Variants in PRR33 observed in about 807,000 individuals in gnomAD.
PRR33 encodes the protein proline-rich protein 33.
In PRR33, 1 loss-of-function variant was observed where a neutral mutation model predicts 0.5. The observed-to-expected ratio is 2.18, with a 90% CI of 0.77 to 10.34. The LOEUF is 10.34. Among genes scored for constraint, PRR33 ranks in the 30% most tolerant of loss-of-function variants. The probability of loss-of-function intolerance (pLI) is 0.13; values close to 1 mark genes in which losing one functional copy is unlikely to be tolerated. For missense variants in PRR33, 552 were observed against 251.8 expected (o/e 2.19, Z -8.07); for synonymous variants, 226 against 110.0 (o/e 2.06, Z -6.60).
At chr11:1,901,987 C>T in the PRR33 span, among the ~76,000 whole-genome samples, 1 of 152,070 alleles carries the variant, frequency 6.6e-6, no homozygotes, top group South Asian at 2.1e-4. Context: ...AATCCCAGCA[C>T]TTTGGGAGGC....
chr11:1,893,087 G>A (rs1379314143), upstream of PRR33, among the ~76,000 whole-genome samples: 1 of 143,494 alleles, frequency 7.0e-6, no homozygotes, highest in Non-Finnish European at 1.6e-5. Flanking sequence ...GGTTGGGTGG[G>A]TGAGTGGAGG....
the PRR33 span, among the ~76,000 whole-genome samples, chr11:1,911,668 G>A: frequency 6.6e-6 from 1 of 151,832 alleles, no homozygotes; most frequent in East Asian, 2.0e-4. Flanking sequence ...TGATTCGCCT[G>A]CCTCGGCCTC....
At chr11:1,917,209 C>A in the PRR33 span, among the ~76,000 whole-genome samples, 1 of 152,166 alleles carries the variant, frequency 6.6e-6, no homozygotes. Context: ...AGCCTGGGGG[C>A]TCAGGTCAGC....
chr11:1,901,666 G>C, the PRR33 span, among the ~76,000 whole-genome samples: 1 of 152,140 alleles, frequency 6.6e-6, no homozygotes. Context: ...AGCTATTTAA[G>C]CTGAGACTTT....
At chr11:1,914,879 GTT>G in the PRR33 span, among the ~76,000 whole-genome samples, 1 of 133,980 alleles carries the variant, frequency 7.5e-6, no homozygotes, top group African/African-American at 2.8e-5. Flanking sequence ...GTGTGTGTGT[GTT>G]GTGAGGTCAC....
the PRR33 span, among the ~76,000 whole-genome samples, chr11:1,898,399 C>T: frequency 6.6e-6 from 1 of 152,138 alleles, no homozygotes; most frequent in Non-Finnish European, 1.5e-5. Flanking sequence ...TCATACCCAG[C>T]TTATTTTTAA....
chr11:1,908,044 A>AT, the PRR33 span: 1 of 152,084 alleles, frequency 6.6e-6, no homozygotes, highest in Admixed American at 6.6e-5. Flanking sequence ...GACCTTCAGG[A>AT]TTTTGTTCAA....
At chr11:1,911,510 C>T in the PRR33 span, among the ~76,000 whole-genome samples, 5 of 149,478 alleles carry the variant, frequency 3.3e-5, no homozygotes, top group African/African-American at 4.9e-5. Context: ...CTCTGCCTCC[C>T]GGGTTCAATC....
the PRR33 span, among the ~76,000 whole-genome samples, chr11:1,898,087 C>T: frequency 1.3e-5 from 2 of 152,278 alleles, no homozygotes; most frequent in East Asian, 1.9e-4. Context: ...CAAGAAGCAT[C>T]GGCAACGGCA....
chr11:1,907,759 C>T, the PRR33 span: 4 of 152,060 alleles, frequency 2.6e-5, no homozygotes, highest in Admixed American at 1.3e-4. Context: ...GTCGTAGCCT[C>T]TGTAATTCAC....
chr11:1,890,101 G>C, exon 1 of PRR33: 1 of 716,616 alleles, frequency 1.4e-6, no homozygotes, highest in Non-Finnish European at 2.6e-6. Context: ...CTGGGGGGCC[G>C]GGTAGGTTCT....
the PRR33 span, chr11:1,890,201 CT>C: frequency 1.4e-6 from 1 of 716,946 alleles, no homozygotes; most frequent in South Asian, 1.5e-5. Flanking sequence ...ACGTGGACTT[CT>C]GCAGGGGTGA....
Position 1,890,342 on chromosome 11 carries a change from C to T in PRR33, c.243G>A (p.Pro81=), listed in dbSNP as rs866562938. Reference sequence around the variant, plus strand: ...CGGGGTGCGGGCCCTCAGCAGCGTGCGGGGCTGTGACCTCCTGGTCATGGC... The same window carrying T: ...CGGGGTGCGGGCCCTCAGCAGCGTGTGGGGCTGTGACCTCCTGGTCATGGC... Residue 81 remains proline (P), a synonymous_variant, in exon 1 of 1, where the codon CCG becomes CCA. Transcript: ENST00000640310. 117 of 714,854 alleles carry T rather than the reference C, an allele frequency of 1.6e-4. 1 individual carries two copies. In the East Asian group the frequency reaches 2.8e-3, roughly 17 times the overall value. The allele number at this position is 714,854 out of a possible 1,614,324, so 44.3% of individuals were successfully genotyped here.
At chr11:1,888,441 G>T (rs114229888) in exon 1 of PRR33, 1 of 152,244 alleles carries the variant, frequency 6.6e-6, no homozygotes, top group Non-Finnish European at 1.5e-5. Flanking sequence ...TCCCACCAGC[G>T]AATCCCTCGA....
upstream of PRR33, among the ~76,000 whole-genome samples, chr11:1,892,648 G>A (rs957718132): frequency 6.6e-6 from 1 of 152,212 alleles, no homozygotes; most frequent in African/African-American, 2.4e-5. Context: ...GGGTGGATGG[G>A]TGGGTGGATG....
the PRR33 span, among the ~76,000 whole-genome samples, chr11:1,913,909 C>T: frequency 6.6e-6 from 1 of 152,242 alleles, no homozygotes. Context: ...ACTCCCAGTC[C>T]CAATTGCAGG....
At chr11:1,902,028 C>T in the PRR33 span, among the ~76,000 whole-genome samples, 1 of 151,922 alleles carries the variant, frequency 6.6e-6, no homozygotes, top group Non-Finnish European at 1.5e-5. Context: ...GTCAGGAGAT[C>T]GAGACCATCC....
At chr11:1,898,760 C>T in the PRR33 span, among the ~76,000 whole-genome samples, 3 of 151,804 alleles carry the variant, frequency 2.0e-5, no homozygotes, top group Admixed American at 1.3e-4. Context: ...AATCCCAACA[C>T]TTTGGGAGGC....
the PRR33 span, among the ~76,000 whole-genome samples, chr11:1,911,652 C>T: frequency 3.8e-4 from 57 of 151,694 alleles, no homozygotes; most frequent in African/African-American, 1.4e-3. Context: ...AACTCCTGAC[C>T]TCAAGTGATT....
Sources: gnomAD v4.1 joint callset for allele counts (sites outside exome capture counted in the v4.1 genomes callset) on GRCh38, gnomAD v4.1.1 for gene constraint, MANE v1.5 for transcripts, NCBI Gene and HGNC (gene_info 2026-07-23, HGNC 2026-07-21) for gene names.